DCAF8: variants seen among roughly 807,000 people sequenced by gnomAD.
DCAF8 encodes the protein DDB1- and CUL4-associated factor 8.
Under a neutral mutation model 68.0 loss-of-function variants are expected in DCAF8, and 20 were observed. That is an observed-to-expected ratio of 0.29 (90% CI 0.21 to 0.43). DCAF8 has a LOEUF of 0.43. Ranked by LOEUF, DCAF8 falls within the 20% of genes least tolerant of loss-of-function variation. DCAF8 has a pLI of 1.00. For missense variants in DCAF8, 460 were observed against 771.0 expected, an observed-to-expected ratio of 0.60 and a Z score of 4.78; for synonymous variants, 230 against 276.9, an observed-to-expected ratio of 0.83 and a Z score of 1.68.
Position 160,237,207 on chromosome 1 carries a change from G to A in DCAF8, c.887C>T (p.Pro296Leu). The A allele has an allele frequency of 1.3e-6, 2 of 1,574,476 alleles. No homozygotes were observed. Among genetic ancestry groups the A allele is most frequent in the Non-Finnish European group, 1.7e-6 (2 of 1,157,732 alleles). ...TTCACCTGCAGATAAGAACGTACAGGGAGAGTCTGGTTCCAGTGCCAACTG... is the reference window on the plus strand; with the variant it reads ...TTCACCTGCAGATAAGAACGTACAGAGAGAGTCTGGTTCCAGTGCCAACTG... Reference protein sequence around the residue: ...SHKLALEPDSPCTFLSAGEDA... With the variant: ...SHKLALEPDSLCTFLSAGEDA... Residue 296 changes from proline to leucine, a missense_variant, in exon 6 of 14, where the codon CCC becomes CTC. Physicochemically the swap from Pro to Leu is moderately conservative, Grantham distance 98. Coordinates refer to ENST00000368074, the MANE Select transcript of DCAF8 (RefSeq NM_015726.4).
chr1:160,220,281 A>T (rs968448291), intron 11 of DCAF8: 1 of 152,266 alleles, frequency 6.6e-6, no homozygotes, highest in Non-Finnish European at 1.5e-5. Context: ...CAACTTACAT[A>T]TACAAACCTG....
chr1:160,215,901 A>C lies in DCAF8; in HGVS notation c.*1691T>G, dbSNP rs563128292. On this transcript the variant is annotated 3_prime_UTR_variant, in exon 14 of 14. Transcript: ENST00000368074. ...TCTCAGAGCTGCTGGGAAAAGGGGCAGGAGGAAGAAGTATCTGGGAATACC... is the reference window on the plus strand; with the variant it reads ...TCTCAGAGCTGCTGGGAAAAGGGGCCGGAGGAAGAAGTATCTGGGAATACC... 1.7e-4 allele frequency: 26 copies of C among 152,034 alleles called. No homozygotes were observed. The highest frequency in any genetic ancestry group is 3.5e-4 in the Non-Finnish European group (24 of 68,004). 9.4% of individuals were successfully genotyped at this position (152,034 alleles called of 1,614,324 possible). A position where few individuals can be genotyped will look rare whatever the true frequency, so the allele number is the denominator to read the frequency against.
intron 7 of DCAF8, 117 bp from the exon 8 acceptor site, chr1:160,225,780 A>T: frequency 1.3e-6 from 1 of 746,626 alleles, no homozygotes; most frequent in Non-Finnish European, 2.2e-6. Flanking sequence ...ACATTTTCCA[A>T]ACCAAGCTTT....
At position 160,236,058 on chromosome 1, in the gene DCAF8, T is replaced by TA. The variant is rs1009921636; in HGVS notation, c.959+1076dup. Reference sequence around the variant, plus strand: ...CCTGCCCACAATGGTTTTCAACAGCTAAAAAAATGGTGGGGCGGGGGTGAC... The same window carrying TA: ...CCTGCCCACAATGGTTTTCAACAGCTAAAAAAAATGGTGGGGCGGGGGTGAC... On this transcript the variant is annotated intron_variant, in intron 6 of 13. Coordinates refer to ENST00000368074, the MANE Select transcript of DCAF8 (RefSeq NM_015726.4). Among the ~76,000 whole-genome samples, 54 of 151,868 alleles carry TA rather than the reference T, an allele frequency of 3.6e-4. 1 individual carries two copies. Among genetic ancestry groups the TA allele is most frequent in the Admixed American group, 3.2e-3 (49 of 15,242 alleles).
intron 13 of DCAF8, 112 bp from the exon 14 acceptor site, chr1:160,217,820 T>TA: frequency 1.3e-6 from 1 of 768,780 alleles, no homozygotes; most frequent in Non-Finnish European, 2.2e-6. Context: ...GAATTTTTCT[T>TA]AAAGGGCCAG....
At chr1:160,222,911 T>C (rs1047312624) in intron 10 of DCAF8, 130 bp from the exon 11 acceptor site, 263 of 1,316,976 alleles carry the variant, frequency 2.0e-4, no homozygotes, top group Non-Finnish European at 2.6e-4. Context: ...CAGATAGTTA[T>C]AGGAATCACA....
At chr1:160,240,825 A>G (rs978226838) in intron 3 of DCAF8, among the ~76,000 whole-genome samples, 1 of 152,214 alleles carries the variant, frequency 6.6e-6, no homozygotes, top group Non-Finnish European at 1.5e-5. Context: ...AGCTGATAAA[A>G]ATCACTCTTG....
At chr1:160,238,502 A>G in intron 5 of DCAF8, 105 bp downstream of exon 5, 5 of 1,304,192 alleles carry the variant, frequency 3.8e-6, no homozygotes, top group Non-Finnish European at 5.2e-6. Context: ...GGTGAGGCAC[A>G]TGACCACAAC....
intron 7 of DCAF8, among the ~76,000 whole-genome samples, chr1:160,228,988 T>A (rs552555727): frequency 2.0e-5 from 3 of 152,270 alleles, no homozygotes; most frequent in African/African-American, 7.2e-5. Flanking sequence ...CCTGCTTGTG[T>A]AGGATCAGCG....
rs967772699 is a variant in DCAF8, at chr1:160,216,541, G to A, written c.*1051C>T. The stretch of plus-strand genomic sequence containing the variant: ...CCAAAGCAGGGAACCAGGAAGGGCA[G>A]AAATGAGGATCCTTCCATTCTCAAG... On this transcript the variant is annotated 3_prime_UTR_variant, in exon 14 of 14. Coordinates refer to ENST00000368074, the MANE Select transcript of DCAF8 (RefSeq NM_015726.4). 2 of 152,648 alleles carry A rather than the reference G, an allele frequency of 1.3e-5. No individual in the cohort carries two copies. Among genetic ancestry groups the A allele is most frequent in the African/African-American group, 4.8e-5 (2 of 41,454 alleles). The allele number at this position is 152,648 out of a possible 1,614,324, so 9.5% of individuals were successfully genotyped here.
chr1:160,234,281 C>T (rs1655796506), intron 6 of DCAF8, among the ~76,000 whole-genome samples: 1 of 150,534 alleles, frequency 6.6e-6, no homozygotes, highest in Non-Finnish European at 1.5e-5. Context: ...AGCAGATGTT[C>T]AGCTTTTCAC....
Position 160,239,911 on chromosome 1 carries a change from A to T in DCAF8, c.509T>A (p.Val170Asp). 1 of 1,614,262 alleles carries T rather than the reference A, an allele frequency of 6.2e-7. No individual in the cohort carries two copies. Among genetic ancestry groups the T allele is most frequent in the Non-Finnish European group, 8.5e-7 (1 of 1,180,050 alleles). ...GACTCTTGCCCCACAGGCCTCATAG[A>T]CAAAGCGGGCACTTGAACCCAGCTC... ...ERELGSSARF[V>D]YEACGARVFV... Residue 170 changes from valine (V) to aspartate (D), a missense_variant, in exon 4 of 14, where the codon GTC becomes GAC. This residue lies in a region of DCAF8 where 170 missense variants were observed against 318.2 expected (regional missense o/e 0.53). Transcript: ENST00000368074.
At chr1:160,258,177 T>C (rs1173261780) in intron 2 of DCAF8, among the ~76,000 whole-genome samples, 1 of 152,002 alleles carries the variant, frequency 6.6e-6, no homozygotes, top group African/African-American at 2.4e-5. Context: ...TGAAACCTCA[T>C]CTTTACAAAA....
chr1:160,215,982 C>T lies in DCAF8; in HGVS notation c.*1610G>A, dbSNP rs1655100595. ...CCTGATTTAGAAGAATCTGACTGTCCCAGGATACAGAATTCTTGGTTGGAT... is the reference window on the plus strand; with the variant it reads ...CCTGATTTAGAAGAATCTGACTGTCTCAGGATACAGAATTCTTGGTTGGAT... On this transcript the variant is annotated 3_prime_UTR_variant, in exon 14 of 14. Coordinates refer to ENST00000368074, the MANE Select transcript of DCAF8 (RefSeq NM_015726.4). The T allele has an allele frequency of 6.6e-6, 1 of 152,096 alleles. No homozygotes were observed. The highest frequency in any genetic ancestry group is 2.1e-4 in the South Asian group (1 of 4,820). The allele number at this position is 152,096 out of a possible 1,614,324, so 9.4% of individuals were successfully genotyped here.
At chr1:160,241,717 G>C (rs1656123893) in intron 3 of DCAF8, among the ~76,000 whole-genome samples, 1 of 152,182 alleles carries the variant, frequency 6.6e-6, no homozygotes. Flanking sequence ...TCCGCCAGAA[G>C]TAAAAGCTGT....
intron 12 of DCAF8, 124 bp downstream of exon 12, chr1:160,218,725 G>A (rs915607987): frequency 1.0e-5 from 14 of 1,400,220 alleles, no homozygotes; most frequent in African/African-American, 1.4e-5. Context: ...ACAGGAATGT[G>A]GGGGAGGGTG....
Position 160,217,013 on chromosome 1 carries a change from T to G in DCAF8, c.*579A>C, listed in dbSNP as rs527400720. The G allele has an allele frequency of 6.8e-6, 1 of 146,626 alleles. No individual in the cohort carries two copies. The highest frequency in any genetic ancestry group is 2.0e-4 in the East Asian group (1 of 4,946). The allele number at this position is 146,626 out of a possible 1,614,324, so 9.1% of individuals were successfully genotyped here. ...TGGTAAGTACAGAGAATGAATAAGG[T>G]GGAAAGGAAAGTGAAGAGTGTGGGA... On this transcript the variant is annotated 3_prime_UTR_variant, in exon 14 of 14. Coordinates refer to ENST00000368074, the MANE Select transcript of DCAF8 (RefSeq NM_015726.4).
rs778633124 is a variant in DCAF8, at chr1:160,243,980, C to T, written c.29G>A (p.Gly10Asp). 1 of 1,614,114 alleles carries T rather than the reference C, an allele frequency of 6.2e-7. No individual in the cohort carries two copies. Among genetic ancestry groups the T allele is most frequent in the Non-Finnish European group, 8.5e-7 (1 of 1,180,002 alleles). Reference protein sequence around the residue: MSSKGSSTDGRTDLANGSLS... With the variant: MSSKGSSTDDRTDLANGSLS... ...CTTACCATTAGCTAAGTCTGTTCTG[C>T]CATCTGTGCTGCTCCCTTTGCTGGA... is the stretch of plus-strand genomic sequence containing the variant. Residue 10 changes from glycine (G) to aspartate (D), a missense_variant, in exon 3 of 14, where the codon GGC (glycine) becomes GAC (aspartate). Coordinates refer to ENST00000368074, the MANE Select transcript of DCAF8 (RefSeq NM_015726.4).
chr1:160,243,424 T>A lies in DCAF8; in HGVS notation c.49+536A>T, dbSNP rs199664178. On this transcript the variant is annotated intron_variant, in intron 3 of 13. Transcript: ENST00000368074. ...TAATCACCTTTTTTTTTTTTTTTTTTAAAAAGACGGGGTCTCGCTATGTTG... is the reference window on the plus strand; with the variant it reads ...TAATCACCTTTTTTTTTTTTTTTTTAAAAAAGACGGGGTCTCGCTATGTTG... 4.3e-3 allele frequency among the ~76,000 whole-genome samples: 625 copies of A among 146,684 alleles called. 6 individuals carry two copies. The highest frequency in any genetic ancestry group is 0.028 in the East Asian group (140 of 4,914).
Sources: gnomAD v4.1 joint callset for allele counts (sites outside exome capture counted in the v4.1 genomes callset) on GRCh38, gnomAD v4.1.1 for gene constraint, gnomAD v4.1.1 regional missense constraint, MANE v1.5 for transcripts, NCBI Gene and HGNC (gene_info 2026-07-23, HGNC 2026-07-21) for gene names.